Variants in SARDH observed in about 807,000 individuals in gnomAD.
SARDH encodes the protein sarcosine dehydrogenase, mitochondrial.
In SARDH, 95 loss-of-function variants were observed where a neutral mutation model predicts 109.1. That is an observed-to-expected ratio of 0.87 (90% CI 0.74 to 1.03). The LOEUF (loss-of-function observed/expected upper bound fraction) is 1.03, where lower values mean the gene tolerates loss of function less well. Ranked by LOEUF, SARDH falls within the 50% of genes least tolerant of loss-of-function variation. SARDH has a pLI of 0.00. For missense variants in SARDH, 1,267 were observed against 1,287.8 expected, an observed-to-expected ratio of 0.98 and a Z score of 0.25; for synonymous variants, 572 against 534.8, an observed-to-expected ratio of 1.07 and a Z score of -0.96.
chr9:133,732,024 CCAAT>C (rs1052581422), intron 3 of SARDH, among the ~76,000 whole-genome samples: 1 of 152,162 alleles, frequency 6.6e-6, no homozygotes, highest in Non-Finnish European at 1.5e-5. Flanking sequence ...AGAAGCTGGG[CCAAT>C]CAGATTCTCT....
At chr9:133,734,696 C>T (rs1832822957) in intron 1 of SARDH, among the ~76,000 whole-genome samples, 1 of 152,136 alleles carries the variant, frequency 6.6e-6, no homozygotes, top group African/African-American at 2.4e-5. Flanking sequence ...TGGGCTGCCC[C>T]GTGAGGCCGG....
chr9:133,700,426 G>A (rs1055036009), intron 13 of SARDH, among the ~76,000 whole-genome samples: 1 of 151,700 alleles, frequency 6.6e-6, no homozygotes, highest in African/African-American at 2.4e-5. Flanking sequence ...AGAATATCAC[G>A]CTAAGTGGAA....
At position 133,670,624 on chromosome 9, in the gene SARDH, C is replaced by T. The variant is rs61685718; in HGVS notation, c.2455G>A (p.Ala819Thr). ...CACACCAGGCGCCGGCGGAGGCCTG[C>T]GGCCCGCTGCTGCTCCAGGGCCTCC... ...GREALEQQRAAGLRRRLVCFT... is the reference protein window; with the variant it reads ...GREALEQQRATGLRRRLVCFT... The change falls in exon 19 of 21, where the codon GCA becomes ACA. Residue 819 changes from alanine to threonine, a missense_variant. Physicochemically the swap from Ala to Thr is moderately conservative, Grantham distance 58. Transcript: ENST00000439388. 4,437 of 1,579,404 alleles carry T rather than the reference C, an allele frequency of 2.8e-3. 133 individuals carry two copies. The African/African-American group carries it at 0.05, about 18-fold the overall frequency.
rs201684078 is a variant in SARDH at position 133,685,204 on chromosome 9, C to A, written c.2152G>T (p.Ala718Ser). 3.7e-6 allele frequency: 6 copies of A among 1,613,690 alleles called. No individual in the cohort carries two copies. Among genetic ancestry groups the A allele is most frequent in the South Asian group, 3.3e-5 (3 of 91,026 alleles). Residue 718 changes from alanine to serine, a missense_variant, in exon 17 of 21, where the codon GCA becomes TCA. Transcript: ENST00000439388. ...CAGCTGGAACCTACCAGGTGCCCTG[C>A]GGCTCTCAGTAGCTTGTGGGTGGAG... is the stretch of plus-strand genomic sequence containing the variant. Reference protein sequence around the residue: ...PFSTHKLLRAAGHLVRAMRLS... With the variant: ...PFSTHKLLRASGHLVRAMRLS...
intron 10 of SARDH, among the ~76,000 whole-genome samples, chr9:133,710,252 G>A (rs1248021721): frequency 1.3e-5 from 2 of 152,234 alleles, no homozygotes; most frequent in South Asian, 4.1e-4. Context: ...TCCAGGTGGC[G>A]AAACTGAGGC....
At chr9:133,710,200 G>A (rs1831864423) in intron 10 of SARDH, among the ~76,000 whole-genome samples, 1 of 152,264 alleles carries the variant, frequency 6.6e-6, no homozygotes, top group African/African-American at 2.4e-5. Flanking sequence ...ACACGCATGA[G>A]CCTCGAGTGC....
At chr9:133,670,403 C>T (rs1180173060) in intron 19 of SARDH, among the ~76,000 whole-genome samples, 181 bp downstream of exon 19, 2 of 151,966 alleles carry the variant, frequency 1.3e-5, no homozygotes, top group Non-Finnish European at 2.9e-5. Context: ...GGCCAGATGG[C>T]CTCTCTCTTT....
At chr9:133,668,202 TCACACAAGAGACAGAGCCTGACAGG>T (rs1830141249) in intron 19 of SARDH, among the ~76,000 whole-genome samples, 1 of 151,396 alleles carries the variant, frequency 6.6e-6, no homozygotes, top group South Asian at 2.1e-4. Flanking sequence ...GGACAGGCTG[TCACACAAGAGACAGAGCCTGACAGG>T]CACCCAGGGA....
Position 133,666,159 on chromosome 9 carries a change from G to A in SARDH, c.2631+576C>T, listed in dbSNP as rs1393265344. Among the ~76,000 whole-genome samples the A allele has an allele frequency of 6.6e-6, 1 of 152,156 alleles. No individual in the cohort carries two copies. The highest frequency in any genetic ancestry group is 1.5e-5 in the Non-Finnish European group (1 of 68,008). On this transcript the variant is annotated intron_variant, in intron 20 of 20. Coordinates refer to ENST00000439388, the MANE Select transcript of SARDH (RefSeq NM_001134707.2). This position sits in a 1 kb window ranked among gnomAD's most constrained non-coding sequence, Gnocchi z 5.2. The stretch of plus-strand genomic sequence containing the variant: ...TGCAGCCAGGGGTCAGGGTCACCTG[G>A]AGGGGGTGGGGTTGCCTGGGGTCAG...
chr9:133,690,654 G>T, intron 15 of SARDH, 127 bp from the exon 16 acceptor site: 1 of 1,077,172 alleles, frequency 9.3e-7, no homozygotes, highest in Non-Finnish European at 1.3e-6. Flanking sequence ...CCTTCACAGT[G>T]CCCAGGAACC....
At chr9:133,713,467 G>A (rs1013842916) in intron 8 of SARDH, among the ~76,000 whole-genome samples, 1 of 152,312 alleles carries the variant, frequency 6.6e-6, no homozygotes, top group East Asian at 1.9e-4. Flanking sequence ...GTGCACCAGC[G>A]TCCTGCTGTG....
downstream of SARDH, among the ~76,000 whole-genome samples, chr9:133,663,057 G>A (rs1052303197): frequency 1.3e-5 from 2 of 152,214 alleles, no homozygotes; most frequent in Non-Finnish European, 2.9e-5. Context: ...AAGGAGGAGG[G>A]CATGGGCAGG....
At position 133,708,445 on chromosome 9, in the gene SARDH, G is replaced by T; in HGVS notation, c.1329-17C>A. The T allele has an allele frequency of 6.2e-7, 1 of 1,603,234 alleles. No homozygotes were observed. ...TGGAAGCGCCTGCCGCAGACAGGGG[G>T]ACGGGTCACTGCTTTGGGGATGGCC... On this transcript the variant is annotated splice_polypyrimidine_tract_variant and intron_variant, in intron 10 of 20. Coordinates refer to ENST00000439388, the MANE Select transcript of SARDH (RefSeq NM_001134707.2).
At position 133,713,103 on chromosome 9, in the gene SARDH, T is replaced by C; in HGVS notation, c.1172A>G (p.Lys391Arg). ...CTCAGGTGCCTCCCCCATCAGGGGCTTGTGGTCGGGCGTGAAGGATTCTGA... is the reference window on the plus strand; with the variant it reads ...CTCAGGTGCCTCCCCCATCAGGGGCCTGTGGTCGGGCGTGAAGGATTCTGA... ...CGPESFTPDH[K>R]PLMGEAPELR... The change falls in exon 9 of 21, where the codon AAG becomes AGG. Residue 391 changes from lysine to arginine, a missense_variant. Transcript: ENST00000439388. 1 of 1,613,418 alleles carries C rather than the reference T, an allele frequency of 6.2e-7. No homozygotes were observed. Among genetic ancestry groups the C allele is most frequent in the East Asian group, 2.2e-5 (1 of 44,868 alleles).
chr9:133,695,904 G>T (rs936867083), intron 14 of SARDH, among the ~76,000 whole-genome samples: 4 of 152,316 alleles, frequency 2.6e-5, no homozygotes, highest in East Asian at 1.9e-4. Context: ...GAGAGCATGG[G>T]GGGGACTGGG....
In SARDH at chr9:133,670,755, G is replaced by C. The variant is rs768571812; in HGVS notation, c.2327-3C>G. The C allele has an allele frequency of 1.0e-5, 16 of 1,564,220 alleles. No homozygotes were observed. Among genetic ancestry groups the C allele is most frequent in the Non-Finnish European group, 3.5e-6 (4 of 1,157,252 alleles). On this transcript the variant is annotated splice_region_variant and splice_polypyrimidine_tract_variant and intron_variant, in intron 18 of 20. Transcript: ENST00000439388. ...GTCCGCGTGCCAGTGCCGGTAGCCT[G>C]TGGGAAGGGAATCCATGGGGTCGGT...
intron 16 of SARDH, among the ~76,000 whole-genome samples, chr9:133,689,148 T>C (rs1415254009): frequency 1.3e-5 from 2 of 151,122 alleles, no homozygotes; most frequent in African/African-American, 4.8e-5. Context: ...AGTGCTCACC[T>C]CGGCGACCTT....
intron 18 of SARDH, among the ~76,000 whole-genome samples, chr9:133,671,244 C>A (rs944065209): frequency 2.0e-5 from 3 of 152,110 alleles, no homozygotes; most frequent in African/African-American, 7.2e-5. Context: ...CTGGGCCTGA[C>A]CCCCAGGTGT....
intron 18 of SARDH, 39 bp from the exon 19 acceptor site, chr9:133,670,791 G>A: frequency 6.5e-7 from 1 of 1,528,086 alleles, no homozygotes; most frequent in South Asian, 1.3e-5. Context: ...GCCACCCTGA[G>A]GGGGATAAGC....
Sources: gnomAD v4.1 joint callset for allele counts (sites outside exome capture counted in the v4.1 genomes callset) on GRCh38, gnomAD v4.1.1 for gene constraint, Gnocchi (gnomAD v3.1) non-coding constraint, MANE v1.5 for transcripts, NCBI Gene and HGNC (gene_info 2026-07-23, HGNC 2026-07-21) for gene names.